Variants in AATK observed in about 807,000 individuals in gnomAD.
AATK encodes serine/threonine-protein kinase LMTK1.
A neutral mutation model predicts 114.3 loss-of-function variants in AATK; 91 were observed. The observed-to-expected ratio is 0.80, with a 90% confidence interval of 0.67 to 0.95. The LOEUF is 0.95. Among genes scored for constraint, AATK ranks in the 40% least tolerant of loss-of-function variants. The pLI is 0.00. For missense variants in AATK, 2,176 were observed against 1,965.2 expected (o/e 1.11, Z -2.03); for synonymous variants, 1,075 against 916.5 (o/e 1.17, Z -3.12).
At chr17:81,149,143 CTCCAGCTTCT>C (rs1264799162) in intron 1 of AATK, among the ~76,000 whole-genome samples, 1 of 152,150 alleles carries the variant, frequency 6.6e-6, no homozygotes, top group Non-Finnish European at 1.5e-5. Flanking sequence ...CGCCAGCCTC[CTCCAGCTTCT>C]GGGCACCCCC....
intron 1 of AATK, 113 bp from the exon 2 acceptor site, chr17:81,134,614 C>T: frequency 7.3e-7 from 1 of 1,378,720 alleles, no homozygotes; most frequent in Non-Finnish European, 9.8e-7. Flanking sequence ...GGCTGGGCCT[C>T]AGCACCCTGA....
intron 1 of AATK, among the ~76,000 whole-genome samples, chr17:81,139,222 C>T (rs987284067): frequency 1.3e-5 from 2 of 152,332 alleles, no homozygotes; most frequent in South Asian, 4.1e-4. Flanking sequence ...GCTCTGCCAG[C>T]TCCACTGCCC....
At chr17:81,151,936 G>A (rs1235992673) in intron 1 of AATK, among the ~76,000 whole-genome samples, 1 of 152,168 alleles carries the variant, frequency 6.6e-6, no homozygotes, top group Non-Finnish European at 1.5e-5. Context: ...TCAATCACGT[G>A]AGACTTCCAA....
In AATK at chr17:81,130,733, C is replaced by G. The variant is rs549858262; in HGVS notation, c.334+328G>C. Among the ~76,000 whole-genome samples the G allele has an allele frequency of 2.6e-5, 4 of 152,240 alleles. No individual in the cohort carries two copies. The South Asian group carries it at 8.3e-4, about 32-fold the overall frequency. Reference sequence around the variant, plus strand: ...CCCGCACCCCTGCCCCAGTGCCCACCCCTGCCCCGTGCCCACCCCTGTCCC... The same window carrying G: ...CCCGCACCCCTGCCCCAGTGCCCACGCCTGCCCCGTGCCCACCCCTGTCCC... On this transcript the variant is annotated intron_variant, in intron 3 of 13. Transcript: ENST00000326724.
chr17:81,137,581 G>A (rs2061031157), intron 1 of AATK, among the ~76,000 whole-genome samples: 1 of 152,128 alleles, frequency 6.6e-6, no homozygotes, highest in Non-Finnish European at 1.5e-5. Context: ...TTGTAAGACA[G>A]ACCAGGCTCT....
Position 81,122,213 on chromosome 17 carries a change from C to T in AATK, c.1723G>A (p.Glu575Lys), listed in dbSNP as rs986368858. ...GGTGGCCCGTGGCCCAGCAGCGGCT[C>T]CATGGCCAGCGAGGCGGCGGTGCTG... ...DGSTAASLAMEPLLGHGPPVD... is the reference protein window; with the variant it reads ...DGSTAASLAMKPLLGHGPPVD... The change falls in exon 11 of 14, where the codon GAG becomes AAG. Residue 575 changes from glutamate (E) to lysine (K), a missense_variant. Glu to Lys is a moderately conservative substitution (Grantham distance 56). This residue lies in a region of AATK where 1,701 missense variants were observed against 1,394.7 expected (regional missense o/e 1.22). Coordinates refer to ENST00000326724, the MANE Select transcript of AATK (RefSeq NM_001080395.3). 3 of 1,497,634 alleles carry T rather than the reference C, an allele frequency of 2.0e-6. No homozygotes were observed. Among genetic ancestry groups the T allele is most frequent in the African/African-American group, 1.4e-5 (1 of 71,078 alleles). The allele number at this position is 1,497,634 out of a possible 1,614,324, so 92.8% of individuals were successfully genotyped here.
intron 1 of AATK, among the ~76,000 whole-genome samples, chr17:81,146,805 G>A (rs909361670): frequency 3.3e-5 from 5 of 151,550 alleles, no homozygotes; most frequent in Non-Finnish European, 7.4e-5. Context: ...ATTATAACAT[G>A]TCCAGTTTCC....
chr17:81,121,312 G>A lies in AATK; in HGVS notation c.2624C>T (p.Ser875Phe). 6.2e-7 allele frequency: 1 copy of A among 1,611,916 alleles called. No homozygotes were observed. The highest frequency in any genetic ancestry group is 2.2e-5 in the East Asian group (1 of 44,804). ...CCTCCTGGCCTGCAGGCCGTCGCTGGACGTGTCGGTGAAGATGCCTGAGGT... is the reference window on the plus strand; with the variant it reads ...CCTCCTGGCCTGCAGGCCGTCGCTGAACGTGTCGGTGAAGATGCCTGAGGT... ...EATSGIFTDTSSDGLQARRPD... is the reference protein window; with the variant it reads ...EATSGIFTDTFSDGLQARRPD... The change falls in exon 11 of 14, where the codon TCC becomes TTC. Residue 875 changes from serine to phenylalanine, a missense_variant. By Grantham distance (155) the Ser-to-Phe change is radical. Around this residue, in one of 4 missense-constraint regions of AATK, gnomAD observed 1,701 missense variants for 1,394.7 expected, o/e 1.22. Transcript: ENST00000326724.
chr17:81,123,251 C>T lies in AATK; in HGVS notation c.1055G>A (p.Arg352Gln), dbSNP rs940674878. 2.8e-6 allele frequency: 4 copies of T among 1,410,388 alleles called. No homozygotes were observed. Among genetic ancestry groups the T allele is most frequent in the South Asian group, 1.6e-5 (1 of 64,192 alleles). 87.4% of individuals were successfully genotyped at this position (1,410,388 alleles called of 1,614,324 possible). The change falls in exon 10 of 14, where the codon CGG (arginine) becomes CAG (glutamine). Residue 352 changes from arginine to glutamine, a missense_variant. Transcript: ENST00000326724. ...SDQQVLAYTV[R>Q]EQQLKLPKPQ... ...CTTGGGCAGCTTGAGCTGCTGCTCC[C>T]GGACCGTGTACGCCAGCACCTGCTG...
intron 1 of AATK, among the ~76,000 whole-genome samples, chr17:81,154,533 G>A (rs1050164196): frequency 2.8e-5 from 3 of 108,962 alleles, no homozygotes; most frequent in Non-Finnish European, 5.3e-5. Flanking sequence ...TGGCCAGGGT[G>A]GTCTCAAACT....
At chr17:81,151,665 A>G (rs990812662) in intron 1 of AATK, among the ~76,000 whole-genome samples, 2 of 152,162 alleles carry the variant, frequency 1.3e-5, no homozygotes, top group African/African-American at 4.8e-5. Flanking sequence ...ATAATCCCAA[A>G]AGACACCGTC....
chr17:81,118,425 CGGCACCAGCTTCAGGTCCT>C lies in AATK; in HGVS notation c.4085-2_4101del, dbSNP rs779761756. ...TCTCAAGCCTCTTTACTCTCACCCC[CGGCACCAGCTTCAGGTCCT>C]GGCAAGCAGGACAACAAAGTGAACA... On this transcript the variant is annotated splice_acceptor_variant and coding_sequence_variant, in exon 14 of 14. Transcript: ENST00000326724. LOFTEE classifies it high-confidence loss of function. 1 of 1,608,846 alleles carries C rather than the reference CGGCACCAGCTTCAGGTCCT, an allele frequency of 6.2e-7. No homozygotes were observed. The highest frequency in any genetic ancestry group is 1.3e-5 in the African/African-American group (1 of 74,886).
chr17:81,131,819 C>T (rs929672729), intron 2 of AATK: 1 of 1,288,948 alleles, frequency 7.8e-7, no homozygotes, highest in Non-Finnish European at 1.0e-6. Context: ...AATTAAGTGC[C>T]CCCACCCCTG....
chr17:81,119,205 G>T (rs1050377304), intron 13 of AATK, among the ~76,000 whole-genome samples, 175 bp downstream of exon 13: 11 of 150,560 alleles, frequency 7.3e-5, no homozygotes, highest in South Asian at 2.1e-4. Context: ...CCAGGCGAGG[G>T]CCAGGCGGGG....
intron 1 of AATK, among the ~76,000 whole-genome samples, chr17:81,152,207 G>A (rs2061307919): frequency 6.6e-6 from 1 of 152,226 alleles, no homozygotes; most frequent in African/African-American, 2.4e-5. Flanking sequence ...GAACCCAGGA[G>A]GCAGAGATTG....
At chr17:81,162,497 T>C (rs376723728) in intron 1 of AATK, among the ~76,000 whole-genome samples, 28 of 152,234 alleles carry the variant, frequency 1.8e-4, no homozygotes, top group African/African-American at 6.7e-4. Context: ...TGGGGCACCT[T>C]CCAAGGGGAG....
chr17:81,119,999 G>A lies in AATK; in HGVS notation c.3820C>T (p.Pro1274Ser). The A allele has an allele frequency of 2.8e-6, 4 of 1,446,606 alleles. No individual in the cohort carries two copies. The highest frequency in any genetic ancestry group is 3.6e-6 in the Non-Finnish European group (4 of 1,099,366). 89.6% of individuals were successfully genotyped at this position (1,446,606 alleles called of 1,614,324 possible). A position where few individuals can be genotyped will look rare whatever the true frequency, so the allele number is the denominator to read the frequency against. ...TGCTGCGGCCGGTTGGGGGCGCTGGGAGAGCCGGGGCTCCCCCTAAGGAAC... is the reference window on the plus strand; with the variant it reads ...TGCTGCGGCCGGTTGGGGGCGCTGGAAGAGCCGGGGCTCCCCCTAAGGAAC... ...PTFLRGSPGSPSAPNRPQQAD... is the reference protein window; with the variant it reads ...PTFLRGSPGSSSAPNRPQQAD... The change falls in exon 12 of 14, where the codon CCC (proline) becomes TCC (serine). Residue 1274 changes from proline (P) to serine (S), a missense_variant. This residue lies in a region of AATK where 1,701 missense variants were observed against 1,394.7 expected (regional missense o/e 1.22). Transcript: ENST00000326724.
intron 1 of AATK, chr17:81,160,215 C>T: frequency 1.0e-6 from 1 of 981,626 alleles, no homozygotes; most frequent in Non-Finnish European, 1.2e-6. Flanking sequence ...AGCCCGCATC[C>T]TCCCAGAAAC....
chr17:81,136,934 G>A (rs547184345), intron 1 of AATK, among the ~76,000 whole-genome samples: 4 of 152,240 alleles, frequency 2.6e-5, no homozygotes, highest in South Asian at 2.1e-4. Flanking sequence ...GCGGCTGTCC[G>A]AAGCTCCAGA....
Sources: allele counts gnomAD v4.1 joint callset (sites outside exome capture counted in the v4.1 genomes callset), GRCh38; gene constraint gnomAD v4.1.1; regional missense constraint gnomAD v4.1.1; transcripts MANE v1.5; gene names NCBI Gene and HGNC (gene_info 2026-07-23, HGNC 2026-07-21).